The following LANCL2 variants were observed in gnomAD, a reference collection of about 807,000 sequenced individuals.
LANCL2 encodes LanC like glutathione S-transferase 2.
In LANCL2, 33 loss-of-function variants were observed where a neutral mutation model predicts 56.9. That is an observed-to-expected ratio of 0.58 (90% CI 0.44 to 0.78). The LOEUF (loss-of-function observed/expected upper bound fraction) is 0.78. LANCL2 is among the 30% of genes least tolerant of loss of function. LANCL2 has a pLI of 0.00. For synonymous variants in LANCL2, 233 were observed against 228.2 expected, an observed-to-expected ratio of 1.02 and a Z score of -0.19; for missense variants, 562 against 580.2, an observed-to-expected ratio of 0.97 and a Z score of 0.32.
Position 55,398,457 on chromosome 7 carries a change from C to T in LANCL2, c.357C>T (p.Val119=), listed in dbSNP as rs1331497291. 10 of 1,613,978 alleles carry T rather than the reference C, an allele frequency of 6.2e-6. No homozygotes were observed. The highest frequency in any genetic ancestry group is 5.0e-5 in the Admixed American group (3 of 59,998). ...TTTTGTACCTGCAGTTGTACCGGGT[C>T]ACATGTGACCAAACCTACCTGCTCC... ...IALLYLQLYR[V]TCDQTYLLRS... is the part of the protein sequence containing the mutation. Residue 119 remains valine, a synonymous_variant, in exon 3 of 9, where the codon GTC becomes GTT. Coordinates refer to ENST00000254770, the MANE Select transcript of LANCL2 (RefSeq NM_018697.4).
chr7:55,406,013 G>T (rs1790402362), intron 5 of LANCL2, among the ~76,000 whole-genome samples: 2 of 152,206 alleles, frequency 1.3e-5, no homozygotes, highest in African/African-American at 2.4e-5. Flanking sequence ...CTCATACAGG[G>T]TTACAGCCTG....
chr7:55,411,875 A>G, intron 5 of LANCL2, 32 bp from the exon 6 acceptor site: 1 of 1,585,022 alleles, frequency 6.3e-7, no homozygotes, highest in African/African-American at 1.3e-5. Context: ...TTCAGAGAAA[A>G]TAATTTGTGT....
intron 1 of LANCL2, among the ~76,000 whole-genome samples, chr7:55,370,359 A>G (rs958158840): frequency 7.2e-5 from 11 of 152,210 alleles, no homozygotes; most frequent in African/African-American, 2.7e-4. Context: ...GCCATATTGT[A>G]TTCTATTAGA....
intron 1 of LANCL2, among the ~76,000 whole-genome samples, chr7:55,372,590 T>A (rs1789955730): frequency 6.6e-6 from 1 of 152,208 alleles, no homozygotes; most frequent in South Asian, 2.1e-4. Context: ...TTCAGAACGG[T>A]GCTGAGTACA....
At chr7:55,420,211 C>T (rs1790593707) in intron 6 of LANCL2, among the ~76,000 whole-genome samples, 1 of 152,004 alleles carries the variant, frequency 6.6e-6, no homozygotes, top group Admixed American at 6.6e-5. Flanking sequence ...TTACATTTTC[C>T]TCTAAGCACT....
At chr7:55,376,196 A>G (rs891667026) in intron 1 of LANCL2, among the ~76,000 whole-genome samples, 38 of 152,120 alleles carry the variant, frequency 2.5e-4, no homozygotes, top group African/African-American at 8.5e-4. Flanking sequence ...CTTACTGTTG[A>G]TATCACTTTT....
intron 1 of LANCL2, among the ~76,000 whole-genome samples, chr7:55,388,958 A>T (rs1397406594): frequency 6.6e-6 from 1 of 152,216 alleles, no homozygotes; most frequent in East Asian, 1.9e-4. Context: ...TTGGAGGAGT[A>T]TCCTTAGGGA....
chr7:55,393,921 T>C (rs1419947245), intron 2 of LANCL2: 1 of 152,226 alleles, frequency 6.6e-6, no homozygotes, highest in African/African-American at 2.4e-5. Flanking sequence ...GAAAATAACA[T>C]AGCTATTAGT....
At chr7:55,391,047 C>T (rs1174749152) in intron 1 of LANCL2, among the ~76,000 whole-genome samples, 10 of 134,904 alleles carry the variant, frequency 7.4e-5, no homozygotes, top group African/African-American at 1.4e-4. Context: ...GATGGAGTCT[C>T]GCTCTGTCGC....
Position 55,366,219 on chromosome 7 carries a change from A to T in LANCL2, c.194A>T (p.Gln65Leu), listed in dbSNP as rs1265700320. Residue 65 changes from glutamine (Q) to leucine (L), a missense_variant, in exon 1 of 9, where the codon CAG becomes CTG. Gln to Leu is a moderately radical substitution (Grantham distance 113). This residue lies in a region of LANCL2 where 184 missense variants were observed against 111.8 expected (regional missense o/e 1.65). Transcript: ENST00000254770. ...TTDEPGLPFH[Q>L]DGKIIHNFIR... is the part of the protein sequence containing the mutation. ...GATGAGCCCGGCCTCCCTTTTCATC[A>T]GGACGGGAAGGTGAGTCGGCGGCCT... is the stretch of plus-strand genomic sequence containing the variant. 1 of 1,513,608 alleles carries T rather than the reference A, an allele frequency of 6.6e-7. No individual in the cohort carries two copies. Among genetic ancestry groups the T allele is most frequent in the Admixed American group, 2.1e-5 (1 of 47,712 alleles). The allele number at this position is 1,513,608 out of a possible 1,614,324, so 93.8% of individuals were successfully genotyped here.
chr7:55,382,053 C>T (rs1276242374), intron 1 of LANCL2, among the ~76,000 whole-genome samples: 1 of 152,174 alleles, frequency 6.6e-6, no homozygotes, highest in Admixed American at 6.5e-5. Flanking sequence ...GCATCTACTT[C>T]TCAGTTCAAA....
At chr7:55,401,426 G>A in intron 5 of LANCL2, 106 bp downstream of exon 5, 2 of 807,080 alleles carry the variant, frequency 2.5e-6, no homozygotes, top group East Asian at 7.5e-5. Flanking sequence ...ACCCTACTTT[G>A]AATCGCTGAT....
rs1790193638 is a variant in LANCL2 at position 55,391,790 on chromosome 7, C to CA, written c.205-2dup. 2 of 1,493,774 alleles carry CA rather than the reference C, an allele frequency of 1.3e-6. No individual in the cohort carries two copies. The highest frequency in any genetic ancestry group is 1.9e-6 in the Non-Finnish European group (2 of 1,071,958). 92.5% of individuals were successfully genotyped at this position (1,493,774 alleles called of 1,614,324 possible). The stretch of plus-strand genomic sequence containing the variant: ...TAAAGTTATCTCTTCTTTTGGATCT[C>CA]AGATCATTCATAATTTCATAAGACG... On this transcript the variant is annotated splice_region_variant and splice_polypyrimidine_tract_variant and intron_variant, in intron 1 of 8. Coordinates refer to ENST00000254770, the MANE Select transcript of LANCL2 (RefSeq NM_018697.4).
At chr7:55,422,828 A>G (rs949460287) in intron 6 of LANCL2, among the ~76,000 whole-genome samples, 11 of 152,020 alleles carry the variant, frequency 7.2e-5, no homozygotes, top group African/African-American at 2.7e-4. Flanking sequence ...TTCCCTTTTC[A>G]TCTTTGAAGA....
At chr7:55,387,531 T>G (rs1414112169) in intron 1 of LANCL2, among the ~76,000 whole-genome samples, 2 of 150,798 alleles carry the variant, frequency 1.3e-5, no homozygotes, top group African/African-American at 4.9e-5. Context: ...TGCTTCTGAG[T>G]TTTTTTTGGT....
At chr7:55,425,055 G>A (rs938705677) in intron 6 of LANCL2, among the ~76,000 whole-genome samples, 199 bp from the exon 7 acceptor site, 7 of 152,314 alleles carry the variant, frequency 4.6e-5, no homozygotes, top group South Asian at 2.1e-4. Context: ...GTTGGAGACC[G>A]CTGGGCTAAT....
intron 6 of LANCL2, among the ~76,000 whole-genome samples, chr7:55,416,048 TGGATCGGAG>T (rs1466355024): frequency 6.6e-6 from 1 of 152,226 alleles, no homozygotes; most frequent in African/African-American, 2.4e-5. Context: ...GTAGAATTAC[TGGATCGGAG>T]GGTAGGTGTA....
intron 7 of LANCL2, among the ~76,000 whole-genome samples, chr7:55,426,456 C>A (rs764015976): frequency 6.6e-6 from 1 of 152,176 alleles, no homozygotes. Flanking sequence ...GGAGGCATTG[C>A]GGCTGATATG....
intron 6 of LANCL2, among the ~76,000 whole-genome samples, chr7:55,416,131 T>G (rs940312874): frequency 6.6e-6 from 1 of 152,188 alleles, no homozygotes; most frequent in East Asian, 1.9e-4. Flanking sequence ...TGCCAACACT[T>G]GATGTTGAAA....
Sources: allele counts gnomAD v4.1 joint callset (sites outside exome capture counted in the v4.1 genomes callset), GRCh38; gene constraint gnomAD v4.1.1; regional missense constraint gnomAD v4.1.1; transcripts MANE v1.5; gene names NCBI Gene and HGNC (gene_info 2026-07-23, HGNC 2026-07-21).